Variants in SLC22A23 observed in about 807,000 individuals in gnomAD.
SLC22A23 encodes solute carrier family 22 member 23.
A neutral mutation model predicts 61.0 loss-of-function variants in SLC22A23; 26 were observed. The observed-to-expected ratio is 0.43, with a 90% CI of 0.31 to 0.59. The LOEUF (loss-of-function observed/expected upper bound fraction) is 0.59, where lower values mean the gene tolerates loss of function less well. SLC22A23 is among the 20% of genes least tolerant of loss of function. The pLI is 0.11. For synonymous variants in SLC22A23, 430 were observed against 413.9 expected, an observed-to-expected ratio of 1.04 and a Z score of -0.47; for missense variants, 796 against 934.7, an observed-to-expected ratio of 0.85 and a Z score of 1.94.
chr6:3,289,016 C>G (rs545116885), intron 6 of SLC22A23, among the ~76,000 whole-genome samples: 3 of 152,236 alleles, frequency 2.0e-5, no homozygotes, highest in African/African-American at 7.2e-5. Context: ...GGTGGCAGCT[C>G]GAGACCTTTC....
intron 3 of SLC22A23, among the ~76,000 whole-genome samples, chr6:3,346,606 C>A (rs1423597903): frequency 6.6e-6 from 1 of 152,202 alleles, no homozygotes; most frequent in African/African-American, 2.4e-5. Flanking sequence ...GTTGGCATTG[C>A]ATTCCTGTGT....
intron 9 of SLC22A23, among the ~76,000 whole-genome samples, chr6:3,279,393 C>T (rs1409226718): frequency 6.6e-6 from 1 of 151,206 alleles, no homozygotes; most frequent in South Asian, 2.1e-4. Context: ...TGCACGTAAT[C>T]CCAGCTGCTT....
chr6:3,287,402 C>T (rs1322972028), intron 6 of SLC22A23, among the ~76,000 whole-genome samples: 2 of 152,170 alleles, frequency 1.3e-5, no homozygotes, highest in Admixed American at 1.3e-4. Context: ...TGGGAATCCT[C>T]CAAGACAAAG....
intron 3 of SLC22A23, among the ~76,000 whole-genome samples, chr6:3,355,849 G>A (rs1265647028): frequency 3.3e-5 from 5 of 150,808 alleles, no homozygotes; most frequent in Non-Finnish European, 7.4e-5. Context: ...TCTCCGCATC[G>A]ACACGGAGGA....
At chr6:3,332,082 A>G (rs184095168) in intron 3 of SLC22A23, among the ~76,000 whole-genome samples, 25 of 152,366 alleles carry the variant, frequency 1.6e-4, no homozygotes, top group African/African-American at 6.0e-4. Flanking sequence ...GGAGCCTCAC[A>G]GGCCTTCAGA....
At chr6:3,357,836 T>G (rs530944234) in intron 3 of SLC22A23, among the ~76,000 whole-genome samples, 51 of 152,280 alleles carry the variant, frequency 3.3e-4, no homozygotes, top group African/African-American at 1.2e-3. Flanking sequence ...CACGTGCCTA[T>G]AAGACACAGA....
At chr6:3,358,013 A>C (rs996455518) in intron 3 of SLC22A23, among the ~76,000 whole-genome samples, 1 of 152,214 alleles carries the variant, frequency 6.6e-6, no homozygotes, top group African/African-American at 2.4e-5. Context: ...CAGAGAGGCA[A>C]CCAGCTCTTG....
At position 3,456,208 on chromosome 6, in the gene SLC22A23, A is replaced by G; in HGVS notation, c.352T>C (p.Ser118Pro). ...AAGTTGGGCTGGTCCAGGAGGAACG[A>G]GTCCGAGAACTGGCTGAAGCCGATG... ...LFIGFSQFSDSFLLDQPNFWC... is the reference protein window; with the variant it reads ...LFIGFSQFSDPFLLDQPNFWC... The change falls in exon 1 of 10, where the codon TCG (serine) becomes CCG (proline). Residue 118 changes from serine to proline, a missense_variant. Physicochemically the swap from Ser to Pro is moderately conservative, Grantham distance 74. Coordinates refer to ENST00000406686, the MANE Select transcript of SLC22A23 (RefSeq NM_015482.2). The surrounding 1 kb of genome is among the most constrained non-coding windows in gnomAD (Gnocchi z 7.1). 6.4e-7 allele frequency: 1 copy of G among 1,551,308 alleles called. No individual in the cohort carries two copies. Among genetic ancestry groups the G allele is most frequent in the Non-Finnish European group, 8.7e-7 (1 of 1,146,840 alleles).
At chr6:3,366,567 A>G (rs1278977212) in intron 3 of SLC22A23, among the ~76,000 whole-genome samples, 1 of 152,102 alleles carries the variant, frequency 6.6e-6, no homozygotes, top group Non-Finnish European at 1.5e-5. Flanking sequence ...TATTAGTATT[A>G]TTACTACCAG....
intron 3 of SLC22A23, among the ~76,000 whole-genome samples, chr6:3,391,106 A>T (rs1399739371): frequency 6.6e-6 from 1 of 152,246 alleles, no homozygotes; most frequent in African/African-American, 2.4e-5. Context: ...ACTCGGGGGA[A>T]TCAACCAGTA....
At chr6:3,334,425 T>C (rs1763739996) in intron 3 of SLC22A23, among the ~76,000 whole-genome samples, 1 of 152,140 alleles carries the variant, frequency 6.6e-6, no homozygotes, top group South Asian at 2.1e-4. Flanking sequence ...CCTCCCAAAG[T>C]GCTGGGATCA....
chr6:3,289,627 C>T lies in SLC22A23; in HGVS notation c.1313+137G>A, dbSNP rs1760382948. ...AGCGGGGGAGGTCAATATCTTCTAG[C>T]CCGTGTCACTCTTCACACACACACC... is the stretch of plus-strand genomic sequence containing the variant. On this transcript the variant is annotated intron_variant, in intron 6 of 9. Transcript: ENST00000406686. 8 of 699,720 alleles carry T rather than the reference C, an allele frequency of 1.1e-5. No individual in the cohort carries two copies. In the South Asian group the frequency reaches 1.5e-4, roughly 13 times the overall value. 43.3% of individuals were successfully genotyped at this position (699,720 alleles called of 1,614,324 possible). A position where few individuals can be genotyped will look rare whatever the true frequency, so the allele number is the denominator to read the frequency against.
At chr6:3,307,826 T>C (rs1382803711) in intron 4 of SLC22A23, among the ~76,000 whole-genome samples, 6 of 152,172 alleles carry the variant, frequency 3.9e-5, no homozygotes, top group African/African-American at 1.4e-4. Flanking sequence ...AAAACTAAAA[T>C]ATTACAGATT....
At chr6:3,448,567 C>T (rs891952483) in intron 1 of SLC22A23, among the ~76,000 whole-genome samples, 2 of 152,128 alleles carry the variant, frequency 1.3e-5, no homozygotes, top group African/African-American at 4.8e-5. Flanking sequence ...GATCTCCGCT[C>T]ACTGCAAGCT....
At position 3,318,599 on chromosome 6, in the gene SLC22A23, T is replaced by C. The variant is rs1249091823; in HGVS notation, c.1082+5235A>G. ...GTGCTTCCCAGGAGGCCCTGTGTGG[T>C]CCTATGTACCCCTTCCTCCTGGGAA... On this transcript the variant is annotated intron_variant, in intron 4 of 9. Coordinates refer to ENST00000406686, the MANE Select transcript of SLC22A23 (RefSeq NM_015482.2). This position sits in a 1 kb window ranked among gnomAD's most constrained non-coding sequence, Gnocchi z 4.3. 1.3e-5 allele frequency among the ~76,000 whole-genome samples: 2 copies of C among 151,970 alleles called. No homozygotes were observed. The highest frequency in any genetic ancestry group is 1.9e-4 in the East Asian group (1 of 5,168).
chr6:3,279,649 C>G (rs530901837), intron 9 of SLC22A23, among the ~76,000 whole-genome samples: 1 of 150,424 alleles, frequency 6.6e-6, no homozygotes, highest in African/African-American at 2.4e-5. Flanking sequence ...TTGTTACATC[C>G]TTGGTTTTAA....
chr6:3,274,569 A>C (rs1758723943), intron 9 of SLC22A23, among the ~76,000 whole-genome samples: 1 of 152,232 alleles, frequency 6.6e-6, no homozygotes, highest in Non-Finnish European at 1.5e-5. Context: ...GGTAGGAGGC[A>C]GGTAGATAAC....
chr6:3,374,085 T>C (rs967442557), intron 3 of SLC22A23, among the ~76,000 whole-genome samples: 1 of 152,232 alleles, frequency 6.6e-6, no homozygotes, highest in African/African-American at 2.4e-5. Context: ...TACTTAACCA[T>C]TATATCATAC....
At chr6:3,426,915 C>CA (rs1220933100) in intron 1 of SLC22A23, among the ~76,000 whole-genome samples, 2 of 152,216 alleles carry the variant, frequency 1.3e-5, no homozygotes, top group African/African-American at 2.4e-5. Context: ...TGGACTTTGT[C>CA]TTCATTGGGT....
Sources: gnomAD v4.1 joint callset for allele counts (sites outside exome capture counted in the v4.1 genomes callset) on GRCh38, gnomAD v4.1.1 for gene constraint, Gnocchi (gnomAD v3.1) non-coding constraint, MANE v1.5 for transcripts, NCBI Gene and HGNC (gene_info 2026-07-23, HGNC 2026-07-21) for gene names.